Variants in VAV3 observed in about 807,000 individuals in gnomAD.
The protein encoded by VAV3 is guanine nucleotide exchange factor VAV3.
Under a neutral mutation model 131.2 loss-of-function variants are expected in VAV3, and 94 were observed. That is an observed-to-expected ratio of 0.72 (90% confidence interval 0.61 to 0.85). The LOEUF (loss-of-function observed/expected upper bound fraction) is 0.85. Among genes scored for constraint, VAV3 ranks in the 40% least tolerant of loss-of-function variants. The pLI is 0.00. For synonymous variants in VAV3, 349 were observed against 342.0 expected, an observed-to-expected ratio of 1.02 and a Z score of -0.22; for missense variants, 939 against 1,002.7, an observed-to-expected ratio of 0.94 and a Z score of 0.86.
rs138683914 is a variant in VAV3 at position 107,891,753 on chromosome 1, C to T, written c.205-16736G>A. On this transcript the variant is annotated intron_variant, in intron 1 of 26. Coordinates refer to ENST00000370056, the MANE Select transcript of VAV3 (RefSeq NM_006113.5). ...ACTTGGGAGGTTGAGGCAGGAGAAT[C>T]GCTTGAACCCGGGAGGCAGAGGTTG... 4.1e-3 allele frequency among the ~76,000 whole-genome samples: 608 copies of T among 149,778 alleles called. 5 individuals are homozygous for T. Among genetic ancestry groups the T allele is most frequent in the African/African-American group, 0.014 (569 of 40,640 alleles).
At chr1:107,659,808 T>C (rs775662591) in intron 19 of VAV3, among the ~76,000 whole-genome samples, 9 of 152,136 alleles carry the variant, frequency 5.9e-5, no homozygotes, top group Non-Finnish European at 1.0e-4. Context: ...GCAAATAGTG[T>C]TCTGTAAAAT....
At chr1:107,626,704 G>C (rs1049111709) in intron 20 of VAV3, among the ~76,000 whole-genome samples, 5 of 152,166 alleles carry the variant, frequency 3.3e-5, no homozygotes, top group African/African-American at 1.2e-4. Flanking sequence ...ATCTGAGTTT[G>C]AGACATCATG....
chr1:107,793,279 A>C (rs955559045), intron 2 of VAV3, among the ~76,000 whole-genome samples: 2 of 152,184 alleles, frequency 1.3e-5, no homozygotes, highest in African/African-American at 2.4e-5. Flanking sequence ...TGTGTAACTA[A>C]AACCACAAAA....
chr1:107,624,583 C>A (rs1653867405), intron 20 of VAV3, among the ~76,000 whole-genome samples: 1 of 152,098 alleles, frequency 6.6e-6, no homozygotes, highest in African/African-American at 2.4e-5. Flanking sequence ...CCAATCCAGG[C>A]TTAACAAAGG....
At position 107,760,840 on chromosome 1, in the gene VAV3, G is replaced by A. The variant is rs1252178608; in HGVS notation, c.961C>T (p.Arg321Ter). ...TGCATAGGAACCACAAGCAAGTCTCGAAGAGTAAATTTCCCATTATTTGCT... is the reference window on the plus strand; with the variant it reads ...TGCATAGGAACCACAAGCAAGTCTCAAAGAGTAAATTTCCCATTATTTGCT... ...KRANNGKFTLRDLLVVPMQRV... is the reference protein window; with the variant it reads ...KRANNGKFTL Residue 321 changes from arginine to a stop codon, truncating the protein, a stop_gained, in exon 10 of 27, where the codon CGA (arginine) becomes TGA (stop). Coordinates refer to ENST00000370056, the MANE Select transcript of VAV3 (RefSeq NM_006113.5). LOFTEE classifies it high-confidence loss of function. 19 of 1,613,618 alleles carry A rather than the reference G, an allele frequency of 1.2e-5. No homozygotes were observed. Among genetic ancestry groups the A allele is most frequent in the Non-Finnish European group, 1.6e-5 (19 of 1,179,778 alleles).
rs1283812866 is a variant in VAV3 at position 107,572,627 on chromosome 1, T to G, written c.*704A>C. On this transcript the variant is annotated 3_prime_UTR_variant, in exon 27 of 27. Coordinates refer to ENST00000370056, the MANE Select transcript of VAV3 (RefSeq NM_006113.5). The stretch of plus-strand genomic sequence containing the variant: ...GAAGGTTTAATATGAAGACACCCTC[T>G]CTTTTGTGTGCTTTTTTCACCTTTT... 6.6e-6 allele frequency: 1 copy of G among 152,658 alleles called. No homozygotes were observed. The highest frequency in any genetic ancestry group is 1.9e-4 in the East Asian group (1 of 5,192). 9.5% of individuals were successfully genotyped at this position (152,658 alleles called of 1,614,324 possible). A position where few individuals can be genotyped will look rare whatever the true frequency, so the allele number is the denominator to read the frequency against.
intron 1 of VAV3, among the ~76,000 whole-genome samples, chr1:107,884,957 T>C (rs151064340): frequency 0.018 from 2,812 of 152,204 alleles, 52 homozygotes; most frequent in Non-Finnish European, 0.028. Context: ...GCAATAGTAA[T>C]GTCAGCAGTA....
intron 19 of VAV3, among the ~76,000 whole-genome samples, chr1:107,657,738 A>G (rs1247317787): frequency 1.3e-5 from 2 of 152,222 alleles, no homozygotes; most frequent in African/African-American, 4.8e-5. Flanking sequence ...CACAGAACAC[A>G]TATTATGATT....
intron 15 of VAV3, among the ~76,000 whole-genome samples, chr1:107,737,147 G>A (rs1426941950): frequency 6.6e-6 from 1 of 152,186 alleles, no homozygotes; most frequent in Non-Finnish European, 1.5e-5. Context: ...AAACTGGCTA[G>A]CCATATGTAG....
At chr1:107,585,060 T>C (rs1459063682) in intron 25 of VAV3, among the ~76,000 whole-genome samples, 2 of 152,208 alleles carry the variant, frequency 1.3e-5, no homozygotes, top group African/African-American at 2.4e-5. Context: ...ATGGAAATGA[T>C]TGATTTTGGA....
At chr1:107,624,042 G>A (rs1653805546) in intron 20 of VAV3, among the ~76,000 whole-genome samples, 2 of 152,018 alleles carry the variant, frequency 1.3e-5, no homozygotes, top group East Asian at 1.9e-4. Context: ...TATAGTTGAT[G>A]GTTTTTCCAA....
chr1:107,790,637 T>C (rs925611186), intron 2 of VAV3, among the ~76,000 whole-genome samples: 1 of 151,480 alleles, frequency 6.6e-6, no homozygotes, highest in African/African-American at 2.4e-5. Context: ...AAAGTACAAA[T>C]GTTTTCCAGT....
At chr1:107,880,415 GA>G (rs917930648) in intron 1 of VAV3, among the ~76,000 whole-genome samples, 68 of 151,026 alleles carry the variant, frequency 4.5e-4, no homozygotes, top group African/African-American at 1.6e-3. Flanking sequence ...CTGACAGAAG[GA>G]ACAGAAGAGG....
At position 107,748,464 on chromosome 1, in the gene VAV3, T is replaced by C. The variant is rs1027684932; in HGVS notation, c.1502+504A>G. 2.0e-5 allele frequency among the ~76,000 whole-genome samples: 3 copies of C among 152,184 alleles called. No homozygotes were observed. In the East Asian group the frequency reaches 5.8e-4, roughly 29 times the overall value. On this transcript the variant is annotated intron_variant, in intron 15 of 26. Transcript: ENST00000370056. ...AAAGCCACTTAAAGAAATCAAGCCC[T>C]TAAAGCATTCCTTAAATACACGAAG...
rs1675338283 is a variant in VAV3 at position 107,964,687 on chromosome 1, G to T, written c.183C>A (p.Asn61Lys). Residue 61 changes from asparagine (N) to lysine (K), a missense_variant, in exon 1 of 27, where the codon AAC (asparagine) becomes AAA (lysine). Coordinates refer to ENST00000370056, the MANE Select transcript of VAV3 (RefSeq NM_006113.5). The part of the protein sequence containing the change: ...RAHSINLKEI[N>K]LRPQMSQFLC... ...TCACCTGGGACATCTGCGGCCTCAG[G>T]TTGATCTCCTTCAGGTTGATGGAGT... 6.2e-7 allele frequency: 1 copy of T among 1,613,632 alleles called. No individual in the cohort carries two copies. Among genetic ancestry groups the T allele is most frequent in the South Asian group, 1.1e-5 (1 of 91,020 alleles).
At chr1:107,737,457 C>T (rs1458076440) in intron 15 of VAV3, among the ~76,000 whole-genome samples, 2 of 152,204 alleles carry the variant, frequency 1.3e-5, no homozygotes, top group Non-Finnish European at 2.9e-5. Flanking sequence ...ATCTACCCAT[C>T]TGACAAAGGA....
At chr1:107,779,627 G>A in intron 2 of VAV3, 135 bp from the exon 3 acceptor site, 2 of 486,242 alleles carry the variant, frequency 4.1e-6, no homozygotes, top group South Asian at 1.0e-4. Context: ...TGTGCAGAAT[G>A]AGAAGGGCTG....
chr1:107,677,597 C>CAT (rs1658300607), intron 19 of VAV3, among the ~76,000 whole-genome samples: 1 of 152,122 alleles, frequency 6.6e-6, no homozygotes, highest in African/African-American at 2.4e-5. Flanking sequence ...TCACTAGGTT[C>CAT]ATTACTTCTT....
chr1:107,760,954 G>C, intron 9 of VAV3, 75 bp from the exon 10 acceptor site: 1 of 931,388 alleles, frequency 1.1e-6, no homozygotes, highest in Non-Finnish European at 1.7e-6. Flanking sequence ...AGGCAGAACA[G>C]TTATTATACA....
Sources: allele counts gnomAD v4.1 joint callset (sites outside exome capture counted in the v4.1 genomes callset), GRCh38; gene constraint gnomAD v4.1.1; transcripts MANE v1.5; gene names NCBI Gene and HGNC (gene_info 2026-07-23, HGNC 2026-07-21).